PCMTD1: variants seen among roughly 807,000 people sequenced by gnomAD.
PCMTD1 encodes protein-L-isoaspartate (D-aspartate) O-methyltransferase domain containing 1.
PCMTD1 carries 12 observed loss-of-function variants against 37.6 expected under a neutral mutation model. That is an observed-to-expected ratio of 0.32 (90% CI 0.20 to 0.52). The LOEUF (loss-of-function observed/expected upper bound fraction) is 0.52, where lower values mean the gene tolerates loss of function less well. Ranked by LOEUF, PCMTD1 falls within the 20% of genes least tolerant of loss-of-function variation. PCMTD1 has a pLI of 0.97. For missense variants in PCMTD1, 235 were observed against 421.3 expected (o/e 0.56, Z 3.87); for synonymous variants, 117 against 135.8 (o/e 0.86, Z 0.96).
In PCMTD1 at chr8:51,821,047, T is replaced by A. The variant is rs577156197; in HGVS notation, c.707-329A>T. Among the ~76,000 whole-genome samples the A allele has an allele frequency of 1.1e-4, 17 of 152,270 alleles. No homozygotes were observed. In the East Asian group the frequency reaches 1.2e-3, roughly 10 times the overall value. On this transcript the variant is annotated intron_variant, in intron 5 of 5. Transcript: ENST00000522514. Reference sequence around the variant, plus strand: ...TAGGAGACAAGACCAGGAGAGAGACTATCCTGTGTATCTTTTATACTTTTT... The same window carrying A: ...TAGGAGACAAGACCAGGAGAGAGACAATCCTGTGTATCTTTTATACTTTTT...
chr8:51,855,713 G>A (rs1012787416), intron 2 of PCMTD1, among the ~76,000 whole-genome samples: 2 of 151,870 alleles, frequency 1.3e-5, no homozygotes, highest in African/African-American at 4.8e-5. Flanking sequence ...CGCCCAGGCT[G>A]GAGTGCAGTG....
chr8:51,854,895 C>T (rs1169234727), intron 2 of PCMTD1, among the ~76,000 whole-genome samples: 2 of 148,214 alleles, frequency 1.3e-5, no homozygotes. Flanking sequence ...AAAAAAAAGG[C>T]TAGGCGTGGT....
intron 2 of PCMTD1, among the ~76,000 whole-genome samples, chr8:51,846,457 G>C (rs1015008532): frequency 2.0e-5 from 3 of 152,160 alleles, no homozygotes; most frequent in African/African-American, 7.2e-5. Context: ...GAAAATACGA[G>C]GACTCAGTGT....
intron 1 of PCMTD1, among the ~76,000 whole-genome samples, chr8:51,868,126 G>C (rs1018712462): frequency 3.9e-5 from 6 of 152,070 alleles, no homozygotes; most frequent in African/African-American, 1.4e-4. Context: ...GATTAAATAG[G>C]ATTTTAAGGA....
At chr8:51,825,185 T>C (rs1027148930) in intron 5 of PCMTD1, among the ~76,000 whole-genome samples, 2 of 152,160 alleles carry the variant, frequency 1.3e-5, no homozygotes, top group African/African-American at 4.8e-5. Context: ...AAAGCCAAAA[T>C]TGACAAATTG....
At chr8:51,876,936 A>G (rs1210364225) in intron 1 of PCMTD1, among the ~76,000 whole-genome samples, 2 of 152,186 alleles carry the variant, frequency 1.3e-5, no homozygotes, top group African/African-American at 4.8e-5. Context: ...GAGGAACAGG[A>G]TTATCTGCGT....
intron 1 of PCMTD1, among the ~76,000 whole-genome samples, chr8:51,883,131 C>T (rs541007955): frequency 5.7e-4 from 86 of 151,522 alleles, no homozygotes; most frequent in African/African-American, 1.6e-3. Flanking sequence ...AGCGAGATTC[C>T]GTCTCAAAAA....
chr8:51,839,229 A>G (rs374131880), intron 3 of PCMTD1, among the ~76,000 whole-genome samples: 4 of 152,228 alleles, frequency 2.6e-5, no homozygotes, highest in East Asian at 1.9e-4. Context: ...AATAACCACA[A>G]AATCATTCAT....
chr8:51,899,111 T>C (rs2039060116), upstream of PCMTD1: 3 of 1,443,914 alleles, frequency 2.1e-6, no homozygotes, highest in African/African-American at 3.0e-5. Flanking sequence ...GGTCCGGGCA[T>C]GCGCAGAGAA....
chr8:51,875,831 C>T (rs1234395398), intron 1 of PCMTD1, among the ~76,000 whole-genome samples: 1 of 152,080 alleles, frequency 6.6e-6, no homozygotes, highest in Non-Finnish European at 1.5e-5. Context: ...ACTTAGAAGG[C>T]CGAGACAGAA....
chr8:51,877,886 A>T (rs1307538093), intron 1 of PCMTD1, among the ~76,000 whole-genome samples: 1 of 152,246 alleles, frequency 6.6e-6, no homozygotes, highest in East Asian at 1.9e-4. Flanking sequence ...CTAAGAAAAC[A>T]TCCTTGTTCT....
intron 3 of PCMTD1, among the ~76,000 whole-genome samples, chr8:51,838,361 C>T (rs545801884): frequency 8.0e-4 from 122 of 151,762 alleles, no homozygotes; most frequent in Admixed American, 1.4e-3. Context: ...CGGTAGCACG[C>T]GCCTATAGTC....
chr8:51,898,852 T>C, intron 1 of PCMTD1, 78 bp downstream of exon 1: 2 of 1,218,606 alleles, frequency 1.6e-6, no homozygotes, highest in East Asian at 3.2e-5. Context: ...TCCAAGCGCA[T>C]CCCAGTCGCC....
intron 3 of PCMTD1, among the ~76,000 whole-genome samples, chr8:51,842,093 G>A (rs1003629509): frequency 1.3e-5 from 2 of 152,244 alleles, no homozygotes; most frequent in Non-Finnish European, 1.5e-5. Context: ...ATTTTTATAA[G>A]AGAATTTCAG....
intron 1 of PCMTD1, among the ~76,000 whole-genome samples, chr8:51,865,433 T>C (rs758548128): frequency 2.3e-4 from 35 of 152,092 alleles, no homozygotes; most frequent in Non-Finnish European, 3.4e-4. Context: ...CTTAACAAAA[T>C]ACTAGCAAAC....
At chr8:51,884,100 A>G (rs1296213373) in intron 1 of PCMTD1, among the ~76,000 whole-genome samples, 2 of 152,214 alleles carry the variant, frequency 1.3e-5, no homozygotes, top group African/African-American at 2.4e-5. Context: ...ACATTTTCTG[A>G]GATAAAATGC....
intron 2 of PCMTD1, among the ~76,000 whole-genome samples, chr8:51,851,219 G>C (rs1464803101): frequency 6.6e-6 from 1 of 152,128 alleles, no homozygotes; most frequent in Non-Finnish European, 1.5e-5. Context: ...TTTTGGGGGA[G>C]GCATCATGAA....
chr8:51,884,104 A>G lies in PCMTD1; in HGVS notation c.-96+14826T>C, dbSNP rs562014200. Among the ~76,000 whole-genome samples the G allele has an allele frequency of 2.8e-4, 43 of 152,318 alleles. 1 individual carries two copies. The South Asian group carries it at 8.7e-3, about 31-fold the overall frequency. On this transcript the variant is annotated intron_variant, in intron 1 of 5. Coordinates refer to ENST00000522514, the MANE Select transcript of PCMTD1 (RefSeq NM_052937.4). ...TACAAAATGTGACATTTTCTGAGAT[A>G]AAATGCCTTCTTTGGGTGTGTTGCT...
In PCMTD1 at chr8:51,860,987, G is replaced by C. The variant is rs867944782; in HGVS notation, c.165C>G (p.Ala55=). The change falls in exon 2 of 6, where the codon GCC becomes GCG. Residue 55 remains alanine, a synonymous_variant. Coordinates refer to ENST00000522514, the MANE Select transcript of PCMTD1 (RefSeq NM_052937.4). Reference sequence around the variant, plus strand: ...ACAAGTGGATGTTTCCATGCTTCCAGGCTAAGTCTTTGTAAGCATTGTCTC... The same window carrying C: ...ACAAGTGGATGTTTCCATGCTTCCACGCTAAGTCTTTGTAAGCATTGTCTC... ...GYRDNAYKDL[A]WKHGNIHLSA... The C allele has an allele frequency of 1.9e-6, 3 of 1,614,034 alleles. No individual in the cohort carries two copies. In the Middle Eastern group the frequency reaches 4.9e-4, roughly 266 times the overall value.
Sources: allele counts gnomAD v4.1 joint callset (sites outside exome capture counted in the v4.1 genomes callset), GRCh38; gene constraint gnomAD v4.1.1; transcripts MANE v1.5; gene names NCBI Gene and HGNC (gene_info 2026-07-23, HGNC 2026-07-21).